Variants in UBXN7 observed in about 807,000 individuals in gnomAD.
The protein encoded by UBXN7 is UBX domain protein 7, also known as UBX domain-containing protein 7.
In UBXN7, 9 loss-of-function variants were observed where a neutral mutation model predicts 58.0. The ratio of observed to expected loss-of-function variants is 0.16; its 90% confidence interval spans 0.09 to 0.27. UBXN7 has a LOEUF of 0.27. Ranked by LOEUF, UBXN7 falls within the 10% of genes least tolerant of loss-of-function variation. UBXN7 has a pLI of 1.00. For synonymous variants in UBXN7, 208 were observed against 205.0 expected (o/e 1.01, Z -0.12); for missense variants, 328 against 599.6 (o/e 0.55, Z 4.73).
chr3:196,387,738 A>G (rs1449016788), intron 5 of UBXN7, among the ~76,000 whole-genome samples: 1 of 152,212 alleles, frequency 6.6e-6, no homozygotes, highest in Non-Finnish European at 1.5e-5. Context: ...CAAAACCACA[A>G]TGAGATACCA....
chr3:196,432,213 G>A (rs1366944662), intron 1 of UBXN7, 114 bp downstream of exon 1: 5 of 1,426,486 alleles, frequency 3.5e-6, no homozygotes, highest in Non-Finnish European at 4.8e-6. Flanking sequence ...AGGGAGGACG[G>A]CAGCTGTGGG....
intron 3 of UBXN7, among the ~76,000 whole-genome samples, chr3:196,402,676 T>C (rs965231059): frequency 2.6e-5 from 4 of 152,166 alleles, no homozygotes; most frequent in African/African-American, 7.2e-5. Context: ...AAAATAAAAA[T>C]AATCAGAATC....
At chr3:196,419,092 C>T (rs1048538451) in intron 1 of UBXN7, among the ~76,000 whole-genome samples, 3 of 152,060 alleles carry the variant, frequency 2.0e-5, no homozygotes, top group African/African-American at 4.8e-5. Context: ...ATGGTGAAAC[C>T]CCATCTCTAC....
intron 5 of UBXN7, among the ~76,000 whole-genome samples, chr3:196,383,718 G>A (rs894849433): frequency 5.9e-5 from 9 of 152,310 alleles, no homozygotes; most frequent in Admixed American, 5.9e-4. Flanking sequence ...ATAACGAAAT[G>A]AAGGCAGAAA....
intron 6 of UBXN7, among the ~76,000 whole-genome samples, chr3:196,371,210 C>T (rs1041417852): frequency 6.6e-6 from 1 of 152,164 alleles, no homozygotes. Context: ...AACCACTACC[C>T]ACAAGTGGCT....
At chr3:196,369,042 T>C (rs1728747910) in intron 7 of UBXN7, among the ~76,000 whole-genome samples, 1 of 152,140 alleles carries the variant, frequency 6.6e-6, no homozygotes, top group Admixed American at 6.6e-5. Context: ...GCCAGGATGG[T>C]CTGGATCGCC....
At chr3:196,431,345 G>C (rs1731040213) in intron 1 of UBXN7, 1 of 152,202 alleles carries the variant, frequency 6.6e-6, no homozygotes. Context: ...CATTTGCTCC[G>C]CCCTCTAATA....
intron 1 of UBXN7, among the ~76,000 whole-genome samples, chr3:196,430,510 C>T (rs62409226): frequency 0.17 from 25,070 of 151,826 alleles, 2,367 homozygotes; most frequent in Middle Eastern, 0.3. Context: ...ACCTCAGCCT[C>T]CCCAGTAGCT....
chr3:196,417,037 GGC>G (rs1187980798), intron 1 of UBXN7, among the ~76,000 whole-genome samples: 1 of 152,192 alleles, frequency 6.6e-6, no homozygotes, highest in Non-Finnish European at 1.5e-5. Context: ...TGTACACACA[GGC>G]GCGGCGGCTC....
intron 1 of UBXN7, 69 bp downstream of exon 1, chr3:196,432,258 G>A (rs746363469): frequency 2.5e-6 from 4 of 1,592,140 alleles, no homozygotes; most frequent in Admixed American, 1.7e-5. Context: ...AAGGTAAGGG[G>A]AAGCCCGGGG....
intron 5 of UBXN7, among the ~76,000 whole-genome samples, chr3:196,389,283 C>T (rs1479508804): frequency 6.6e-6 from 1 of 152,130 alleles, no homozygotes; most frequent in Admixed American, 6.6e-5. Flanking sequence ...ATGAAGAAAA[C>T]TGAGGAGACA....
intron 8 of UBXN7, among the ~76,000 whole-genome samples, chr3:196,364,237 T>G (rs1255202685): frequency 6.6e-6 from 1 of 152,212 alleles, no homozygotes; most frequent in Admixed American, 6.5e-5. Context: ...GGAACTTACT[T>G]AGCTCCTGAC....
intron 5 of UBXN7, among the ~76,000 whole-genome samples, chr3:196,374,921 G>GGGGGGA (rs1577442196): frequency 4.5e-4 from 4 of 8,806 alleles, no homozygotes; most frequent in Non-Finnish European, 7.4e-4. Flanking sequence ...GGGGGAGGGG[G>GGGGGGA]AGGGGAAGGG....
chr3:196,430,507 C>T (rs753334709), intron 1 of UBXN7, among the ~76,000 whole-genome samples: 1 of 151,970 alleles, frequency 6.6e-6, no homozygotes, highest in Non-Finnish European at 1.5e-5. Context: ...CCCACCTCAG[C>T]CTCCCCAGTA....
rs1338851114 is a variant in UBXN7 at position 196,424,410 on chromosome 3, T to TA, written c.73+7916dup. On this transcript the variant is annotated intron_variant, in intron 1 of 10. Coordinates refer to ENST00000296328, the MANE Select transcript of UBXN7 (RefSeq NM_015562.2). Reference sequence around the variant, plus strand: ...TTTTTTTTTTTTTTTTTTTTTTTTTTAAGAGACAAGGTCTCTCTCTGTCAC... The same window carrying TA: ...TTTTTTTTTTTTTTTTTTTTTTTTTTAAAGAGACAAGGTCTCTCTCTGTCAC... Among the ~76,000 whole-genome samples, 184 of 135,530 alleles carry TA rather than the reference T, an allele frequency of 1.4e-3. 12 individuals are homozygous for TA. In the South Asian group the frequency reaches 0.027, roughly 20 times the overall value. 88.9% of individuals were successfully genotyped at this position (135,530 alleles called of 152,430 possible).
At position 196,351,072 on chromosome 3, in the gene UBXN7, C is replaced by A. The variant is rs1476989557; in HGVS notation, c.*5613G>T. ...CCCATGATTTACTACTGCGTAGTTA[C>A]ATGATGGTCAAAAAAGGCAGAGAGA... On this transcript the variant is annotated 3_prime_UTR_variant, in exon 11 of 11. Coordinates refer to ENST00000296328, the MANE Select transcript of UBXN7 (RefSeq NM_015562.2). 6.6e-6 allele frequency: 1 copy of A among 152,164 alleles called. No homozygotes were observed. The highest frequency in any genetic ancestry group is 2.4e-5 in the African/African-American group (1 of 41,432). The allele number at this position is 152,164 out of a possible 1,614,324, so 9.4% of individuals were successfully genotyped here.
chr3:196,399,061 G>A (rs987223001), intron 3 of UBXN7, among the ~76,000 whole-genome samples: 3 of 152,136 alleles, frequency 2.0e-5, no homozygotes, highest in Non-Finnish European at 4.4e-5. Context: ...GTCTGTCAGC[G>A]ATTTTTCAAG....
intron 5 of UBXN7, among the ~76,000 whole-genome samples, chr3:196,377,813 G>A (rs947558944): frequency 3.9e-4 from 60 of 151,930 alleles, no homozygotes; most frequent in Admixed American, 2.4e-3. Flanking sequence ...GGGGACCACA[G>A]GTGTGCACCA....
intron 2 of UBXN7, among the ~76,000 whole-genome samples, chr3:196,406,704 A>G (rs900393089): frequency 2.0e-5 from 3 of 152,074 alleles, no homozygotes; most frequent in Non-Finnish European, 2.9e-5. Context: ...TCGGCCTCCC[A>G]AAGTGCCGGG....
Sources: allele counts gnomAD v4.1 joint callset (sites outside exome capture counted in the v4.1 genomes callset), GRCh38; gene constraint gnomAD v4.1.1; transcripts MANE v1.5; gene names NCBI Gene and HGNC (gene_info 2026-07-23, HGNC 2026-07-21).